The following DLG2 variants were observed in gnomAD, a reference collection of about 807,000 sequenced individuals.
DLG2 encodes discs large MAGUK scaffold protein 2, also known as disks large homolog 2.
DLG2 carries 45 observed loss-of-function variants against 132.5 expected under a neutral mutation model. That is an observed-to-expected ratio of 0.34 (90% CI 0.27 to 0.44). The LOEUF (loss-of-function observed/expected upper bound fraction) is 0.44. Among genes scored for constraint, DLG2 ranks in the 20% least tolerant of loss-of-function variants. The pLI is 1.00. For missense variants in DLG2, 1,045 were observed against 1,196.9 expected, an observed-to-expected ratio of 0.87 and a Z score of 1.87; for synonymous variants, 424 against 419.6, an observed-to-expected ratio of 1.01 and a Z score of -0.13.
chr11:83,813,501 G>A (rs535386623), intron 17 of DLG2, among the ~76,000 whole-genome samples: 1 of 152,166 alleles, frequency 6.6e-6, no homozygotes, highest in African/African-American at 2.4e-5. Flanking sequence ...GTGACACAAG[G>A]CCTTTTCACT....
At chr11:85,540,562 C>G (rs1052161884) in intron 3 of DLG2, among the ~76,000 whole-genome samples, 2 of 152,220 alleles carry the variant, frequency 1.3e-5, no homozygotes, top group African/African-American at 4.8e-5. Context: ...CAGCCATCCT[C>G]CAAGCCCACA....
At chr11:84,543,495 G>A (rs2099383247) in intron 6 of DLG2, among the ~76,000 whole-genome samples, 1 of 152,076 alleles carries the variant, frequency 6.6e-6, no homozygotes, top group Non-Finnish European at 1.5e-5. Context: ...TGATTCGCTG[G>A]ATGTTTGTCT....
intron 4 of DLG2, among the ~76,000 whole-genome samples, chr11:85,274,436 C>T (rs559488424): frequency 3.3e-5 from 5 of 152,284 alleles, no homozygotes; most frequent in African/African-American, 4.8e-5. Context: ...CTAAAACATA[C>T]TTTCACAACA....
At chr11:85,484,657 A>G (rs2153096131) in intron 3 of DLG2, among the ~76,000 whole-genome samples, 1 of 152,054 alleles carries the variant, frequency 6.6e-6, no homozygotes, top group Non-Finnish European at 1.5e-5. Context: ...ATGAGATACC[A>G]CCTCACGCCA....
Position 84,893,598 on chromosome 11 carries a change from G to A in DLG2, c.357+218063C>T, listed in dbSNP as rs1241945103. 7.9e-5 allele frequency among the ~76,000 whole-genome samples: 12 copies of A among 152,132 alleles called. No homozygotes were observed. The East Asian group carries it at 1.9e-3, about 24-fold the overall frequency. ...TACTCAGTTGAGTCTCACTTTGAAC[G>A]TGGATTTGCAGGTTCATTTTGAAAA... On this transcript the variant is annotated intron_variant, in intron 6 of 27. Transcript: ENST00000376104.
intron 6 of DLG2, among the ~76,000 whole-genome samples, chr11:84,608,423 T>C (rs1024498147): frequency 1.4e-4 from 21 of 152,200 alleles, no homozygotes; most frequent in Non-Finnish European, 2.6e-4. Flanking sequence ...CACACACTTA[T>C]CTGCTGAAGC....
rs573976849 is a variant in DLG2 at position 85,181,249 on chromosome 11, T to C, written c.187-26598A>G. 2.2e-4 allele frequency among the ~76,000 whole-genome samples: 34 copies of C among 151,606 alleles called. No homozygotes were observed. In the East Asian group the frequency reaches 6.0e-3, roughly 27 times the overall value. On this transcript the variant is annotated intron_variant, in intron 4 of 27. Transcript: ENST00000376104. Reference sequence around the variant, plus strand: ...ATATGTATATGTGTATATATATGTGTATATATGTGTATATATATGTGTGTA... The same window carrying C: ...ATATGTATATGTGTATATATATGTGCATATATGTGTATATATATGTGTGTA...
At chr11:85,606,423 T>G (rs1184319579) in intron 2 of DLG2, among the ~76,000 whole-genome samples, 2 of 152,174 alleles carry the variant, frequency 1.3e-5, no homozygotes, top group Non-Finnish European at 2.9e-5. Context: ...CAGTGCTCTG[T>G]GTCTAGCTAA....
intron 19 of DLG2, among the ~76,000 whole-genome samples, chr11:83,601,939 G>A (rs2058639307): frequency 2.0e-5 from 3 of 152,136 alleles, no homozygotes; most frequent in Admixed American, 2.0e-4. Flanking sequence ...CTGCTTTGTA[G>A]AGACAGACCT....
intron 7 of DLG2, among the ~76,000 whole-genome samples, chr11:84,515,311 AC>A (rs2099269378): frequency 6.7e-6 from 1 of 150,246 alleles, no homozygotes; most frequent in East Asian, 2.0e-4. Context: ...ACACACACAC[AC>A]ACACCCCAAA....
chr11:85,092,933 G>A (rs139533948), intron 6 of DLG2, among the ~76,000 whole-genome samples: 15 of 152,134 alleles, frequency 9.9e-5, no homozygotes, highest in East Asian at 3.9e-4. Flanking sequence ...GCACCACTAC[G>A]CCCAGCTACA....
At chr11:83,764,443 C>T (rs751656702) in intron 18 of DLG2, among the ~76,000 whole-genome samples, 2 of 152,088 alleles carry the variant, frequency 1.3e-5, no homozygotes, top group Admixed American at 6.6e-5. Context: ...ATCACAAAGG[C>T]CAGTTGCCCC....
chr11:84,920,175 A>T (rs1023122687), intron 6 of DLG2, among the ~76,000 whole-genome samples: 3 of 152,208 alleles, frequency 2.0e-5, no homozygotes, highest in African/African-American at 7.2e-5. Flanking sequence ...AGTCAATTCA[A>T]GCAGCATTGG....
intron 6 of DLG2, among the ~76,000 whole-genome samples, chr11:84,638,333 G>A (rs999164089): frequency 2.6e-5 from 4 of 152,134 alleles, no homozygotes; most frequent in African/African-American, 7.2e-5. Flanking sequence ...TAATACCACA[G>A]ACAAGATGGG....
intron 7 of DLG2, among the ~76,000 whole-genome samples, chr11:84,411,694 A>C (rs2154458284): frequency 6.6e-6 from 1 of 152,326 alleles, no homozygotes; most frequent in South Asian, 2.1e-4. Flanking sequence ...AGAGAACATA[A>C]GATCATGTCC....
intron 6 of DLG2, among the ~76,000 whole-genome samples, chr11:84,866,549 C>T (rs2084599299): frequency 6.6e-6 from 1 of 152,200 alleles, no homozygotes; most frequent in Non-Finnish European, 1.5e-5. Flanking sequence ...TGTCTTGCTA[C>T]TTACTGGCTA....
chr11:84,050,186 A>G (rs1361771916), intron 11 of DLG2, among the ~76,000 whole-genome samples: 1 of 149,582 alleles, frequency 6.7e-6, no homozygotes, highest in African/African-American at 2.5e-5. Context: ...GGGGAGAATC[A>G]TGAACAGTTT....
chr11:84,928,501 G>A (rs2047668938), intron 6 of DLG2, among the ~76,000 whole-genome samples: 1 of 151,836 alleles, frequency 6.6e-6, no homozygotes, highest in Non-Finnish European at 1.5e-5. Flanking sequence ...AGTTTTTAGT[G>A]AAAAGAGAAC....
At chr11:84,422,140 T>G (rs921104835) in intron 7 of DLG2, among the ~76,000 whole-genome samples, 5 of 152,230 alleles carry the variant, frequency 3.3e-5, no homozygotes, top group African/African-American at 1.2e-4. Flanking sequence ...TCTTTTATTT[T>G]TAGATACTTA....
Sources: allele counts gnomAD v4.1 joint callset (sites outside exome capture counted in the v4.1 genomes callset), GRCh38; gene constraint gnomAD v4.1.1; transcripts MANE v1.5; gene names NCBI Gene and HGNC (gene_info 2026-07-23, HGNC 2026-07-21).